Variants in ARMC9 observed in about 807,000 individuals in gnomAD.
ARMC9 encodes the protein armadillo repeat containing 9, also known as lisH domain-containing protein ARMC9.
A neutral mutation model predicts 107.0 loss-of-function variants in ARMC9; 94 were observed. The observed-to-expected ratio is 0.88, with a 90% CI of 0.74 to 1.04. The LOEUF (loss-of-function observed/expected upper bound fraction) is 1.04. Ranked by LOEUF, ARMC9 falls within the 50% of genes least tolerant of loss-of-function variation. ARMC9 has a pLI of 0.00. For synonymous variants in ARMC9, 380 were observed against 396.9 expected, an observed-to-expected ratio of 0.96 and a Z score of 0.51; for missense variants, 942 against 1,030.1, an observed-to-expected ratio of 0.91 and a Z score of 1.17.
At chr2:231,325,973 C>A (rs771654100) in intron 19 of ARMC9, among the ~76,000 whole-genome samples, 1 of 152,108 alleles carries the variant, frequency 6.6e-6, no homozygotes, top group Non-Finnish European at 1.5e-5. Context: ...AGAGTGGATT[C>A]TCCATTTGTG....
Position 231,376,811 on chromosome 2 carries a change from G to A in ARMC9, c.*5276G>A, listed in dbSNP as rs926482256. On this transcript the variant is annotated 3_prime_UTR_variant, in exon 25 of 25. Coordinates refer to ENST00000611582, the MANE Select transcript of ARMC9 (RefSeq NM_001352754.2). ...GTGGGGCATCACGGATCCTACCAAC[G>A]TGTGATGTCTCCCCCGGACACCCAG... Among the ~76,000 whole-genome samples, 40 of 152,026 alleles carry A rather than the reference G, an allele frequency of 2.6e-4. No homozygotes were observed. The highest frequency in any genetic ancestry group is 9.2e-4 in the African/African-American group (38 of 41,332).
chr2:231,311,124 T>C (rs2042320592), intron 19 of ARMC9, among the ~76,000 whole-genome samples: 1 of 152,094 alleles, frequency 6.6e-6, no homozygotes, highest in Admixed American at 6.6e-5. Flanking sequence ...CAAGACTGTG[T>C]CTCAAAAAAA....
chr2:231,352,704 TA>T lies in ARMC9; in HGVS notation c.1995-3093del, dbSNP rs1448327985. ...ATAGATAGATAGATAGATAGATAGATAGATGATAGGTAGGTAGATAGATGGA... is the reference window on the plus strand; with the variant it reads ...ATAGATAGATAGATAGATAGATAGATGATGATAGGTAGGTAGATAGATGGA... On this transcript the variant is annotated intron_variant, in intron 21 of 24. Transcript: ENST00000611582. 1.3e-3 allele frequency among the ~76,000 whole-genome samples: 192 copies of T among 148,244 alleles called. 7 individuals are homozygous for T. Among genetic ancestry groups the T allele is most frequent in the Admixed American group, 0.012 (175 of 14,828 alleles).
chr2:231,366,771 G>T lies in ARMC9; in HGVS notation c.2262-3182G>T, dbSNP rs958742929. On this transcript the variant is annotated intron_variant, in intron 23 of 24. Transcript: ENST00000611582. Reference sequence around the variant, plus strand: ...CAGGAGAATTGCTTGAACCCATGAGGCGGAGGTTGCAGTGACCCAAGATCA... The same window carrying T: ...CAGGAGAATTGCTTGAACCCATGAGTCGGAGGTTGCAGTGACCCAAGATCA... 5.6e-4 allele frequency among the ~76,000 whole-genome samples: 85 copies of T among 151,428 alleles called. 1 individual carries two copies. Among genetic ancestry groups the T allele is most frequent in the African/African-American group, 1.9e-3 (80 of 41,288 alleles).
intron 19 of ARMC9, among the ~76,000 whole-genome samples, chr2:231,313,459 T>C (rs1036112646): frequency 6.6e-6 from 1 of 152,240 alleles, no homozygotes; most frequent in African/African-American, 2.4e-5. Flanking sequence ...TGTGTTCACA[T>C]TTTTGACAGT....
At chr2:231,274,766 T>G (rs776055168) in intron 14 of ARMC9, among the ~76,000 whole-genome samples, 1 of 152,142 alleles carries the variant, frequency 6.6e-6, no homozygotes, top group Admixed American at 6.5e-5. Context: ...CAAAGTGAAA[T>G]GGTCTAAGCA....
At chr2:231,237,781 ATTTTTTTTTTTTTTTTT>A (rs142285288) in intron 8 of ARMC9, among the ~76,000 whole-genome samples, 3 of 26,964 alleles carry the variant, frequency 1.1e-4, no homozygotes, top group African/African-American at 3.5e-4. Flanking sequence ...ATATATATAT[ATTTTTTTTTTTTTTTTT>A]TTTTTTTTTT....
At chr2:231,228,469 C>T (rs116380936) in intron 7 of ARMC9, among the ~76,000 whole-genome samples, 234 of 152,310 alleles carry the variant, frequency 1.5e-3, no homozygotes, top group Admixed American at 3.2e-3. Flanking sequence ...AGAACACCTG[C>T]GTGGCCTTGT....
chr2:231,221,073 C>G (rs1043635422), intron 5 of ARMC9, among the ~76,000 whole-genome samples: 2 of 152,208 alleles, frequency 1.3e-5, no homozygotes, highest in African/African-American at 4.8e-5. Flanking sequence ...CTTAAGACAG[C>G]AGGCATTCGT....
rs144838199 is a variant in ARMC9 at position 231,306,884 on chromosome 2, A to G, written c.1773+10631A>G. 1.5e-3 allele frequency among the ~76,000 whole-genome samples: 235 copies of G among 152,308 alleles called. 3 individuals carry two copies. Among genetic ancestry groups the G allele is most frequent in the South Asian group, 3.5e-3 (17 of 4,828 alleles). Reference sequence around the variant, plus strand: ...ACAGTGAAGCTTAACACAAAGCAAGAGTTTTATAATCTTATTCTTCCTTCC... The same window carrying G: ...ACAGTGAAGCTTAACACAAAGCAAGGGTTTTATAATCTTATTCTTCCTTCC... On this transcript the variant is annotated intron_variant, in intron 19 of 24. Transcript: ENST00000611582.
chr2:231,264,884 A>AG lies in ARMC9; in HGVS notation c.1119+2486_1119+2487insG, dbSNP rs2038715891. ...CACTTTGGTAGGCCGAGGCGGGTGG[A>AG]TCAGGAGGTTAGGAGATCAAGACCA... On this transcript the variant is annotated intron_variant, in intron 12 of 24. Transcript: ENST00000611582. Among the ~76,000 whole-genome samples, 3 of 151,912 alleles carry AG rather than the reference A, an allele frequency of 2.0e-5. No individual in the cohort carries two copies. In the South Asian group the frequency reaches 6.2e-4, roughly 32 times the overall value.
intron 17 of ARMC9, chr2:231,288,843 C>T (rs2040795382): frequency 5.2e-6 from 2 of 382,896 alleles, no homozygotes; most frequent in South Asian, 4.1e-5. Flanking sequence ...CCTAGTCAGA[C>T]ATCTGCACAT....
intron 19 of ARMC9, among the ~76,000 whole-genome samples, chr2:231,324,247 C>T (rs1325251178): frequency 6.7e-6 from 1 of 149,152 alleles, no homozygotes; most frequent in Admixed American, 6.8e-5. Context: ...TCTGCCTCAG[C>T]CTCCTGAGTA....
At chr2:231,288,592 C>G (rs1225889668) in intron 17 of ARMC9, 2 of 470,552 alleles carry the variant, frequency 4.3e-6, no homozygotes, top group Non-Finnish European at 8.8e-6. Context: ...GTTAGTTGTT[C>G]TGTGTAGTGT....
intron 19 of ARMC9, among the ~76,000 whole-genome samples, chr2:231,330,075 A>G (rs940922835): frequency 1.3e-5 from 2 of 151,716 alleles, no homozygotes; most frequent in African/African-American, 2.4e-5. Context: ...GTGTAGGTCC[A>G]TTTTGGAGTT....
chr2:231,371,505 C>G lies in ARMC9; in HGVS notation c.2435-8C>G, dbSNP rs2046019342. 5.7e-6 allele frequency: 7 copies of G among 1,238,114 alleles called. No homozygotes were observed. Among genetic ancestry groups the G allele is most frequent in the Non-Finnish European group, 6.1e-6 (6 of 990,608 alleles). 76.7% of individuals were successfully genotyped at this position (1,238,114 alleles called of 1,614,324 possible). ...GCACTGGCATCTTGCTCTGGCTTTT[C>G]TCTCCAGGCAGCCAGTCTCACAGGA... On this transcript the variant is annotated splice_region_variant and splice_polypyrimidine_tract_variant and intron_variant, in intron 24 of 24. Transcript: ENST00000611582.
At chr2:231,252,146 CG>C (rs2037354708) in intron 9 of ARMC9, among the ~76,000 whole-genome samples, 1 of 152,060 alleles carries the variant, frequency 6.6e-6, no homozygotes, top group South Asian at 2.1e-4. Context: ...AGGTAGAAAA[CG>C]TTTTTTGGCT....
At chr2:231,216,186 C>G (rs2033478593) in intron 4 of ARMC9, among the ~76,000 whole-genome samples, 1 of 152,152 alleles carries the variant, frequency 6.6e-6, no homozygotes, top group African/African-American at 2.4e-5. Flanking sequence ...GTTTCCAACA[C>G]CATAAAGAAA....
chr2:231,348,891 C>T (rs925229929), intron 21 of ARMC9, among the ~76,000 whole-genome samples: 1 of 152,194 alleles, frequency 6.6e-6, no homozygotes, highest in African/African-American at 2.4e-5. Flanking sequence ...GATACCCTCT[C>T]ACCCCCGTTA....
Sources: gnomAD v4.1 joint callset for allele counts (sites outside exome capture counted in the v4.1 genomes callset) on GRCh38, gnomAD v4.1.1 for gene constraint, MANE v1.5 for transcripts, NCBI Gene and HGNC (gene_info 2026-07-23, HGNC 2026-07-21) for gene names.